IARS2: variants seen among roughly 807,000 people sequenced by gnomAD.
The protein encoded by IARS2 is isoleucine--tRNA ligase, mitochondrial.
A neutral mutation model predicts 126.3 loss-of-function variants in IARS2; 56 were observed. That is an observed-to-expected ratio of 0.44 (90% CI 0.36 to 0.55). The LOEUF is 0.55. Ranked by LOEUF, IARS2 falls within the 20% of genes least tolerant of loss-of-function variation. IARS2 has a pLI of 0.00. For missense variants in IARS2, 1,127 were observed against 1,245.9 expected (o/e 0.90, Z 1.44); for synonymous variants, 407 against 441.1 (o/e 0.92, Z 0.97).
At chr1:220,118,272 C>A (rs754915784) in intron 12 of IARS2, 1 of 439,142 alleles carries the variant, frequency 2.3e-6, no homozygotes, top group Non-Finnish European at 4.6e-6. Context: ...TTTTGCTCAT[C>A]ATGGGAGCTG....
chr1:220,106,576 T>C (rs1656685157), intron 9 of IARS2, among the ~76,000 whole-genome samples: 1 of 152,150 alleles, frequency 6.6e-6, no homozygotes. Flanking sequence ...ATTTTGGCTT[T>C]GGTGATTTAA....
At chr1:220,113,203 C>T (rs1333478058) in intron 11 of IARS2, among the ~76,000 whole-genome samples, 1 of 152,090 alleles carries the variant, frequency 6.6e-6, no homozygotes, top group Non-Finnish European at 1.5e-5. Context: ...ATTATCACCA[C>T]CTTTAAAAAG....
chr1:220,096,150 TAA>T lies in IARS2; in HGVS notation c.316_317del (p.Lys106AspfsTer7). ...TATTCATGGCAAAGAGAAAGAAAAG[TAA>T]AGACAGAATTTTGCCTTCATGATGG... On this transcript the variant is annotated frameshift_variant, in exon 2 of 23. Coordinates refer to ENST00000366922, the MANE Select transcript of IARS2 (RefSeq NM_018060.4). LOFTEE classifies it high-confidence loss of function. The T allele has an allele frequency of 6.4e-7, 1 of 1,551,020 alleles. No individual in the cohort carries two copies. The highest frequency in any genetic ancestry group is 8.9e-7 in the Non-Finnish European group (1 of 1,125,914).
chr1:220,131,647 C>G (rs1176581255), intron 14 of IARS2, among the ~76,000 whole-genome samples: 1 of 151,404 alleles, frequency 6.6e-6, no homozygotes, highest in African/African-American at 2.4e-5. Flanking sequence ...CCACTCTGCC[C>G]AGCAATTTTT....
intron 8 of IARS2, among the ~76,000 whole-genome samples, chr1:220,103,787 G>A (rs1656628286): frequency 6.6e-6 from 1 of 152,052 alleles, no homozygotes. Context: ...CTAATTTCTG[G>A]CAATATCCAG....
intron 11 of IARS2, among the ~76,000 whole-genome samples, chr1:220,113,010 G>A (rs1400123012): frequency 6.6e-6 from 1 of 152,058 alleles, no homozygotes; most frequent in Non-Finnish European, 1.5e-5. Flanking sequence ...TTATAGGCAT[G>A]CACCACCATG....
At chr1:220,138,919 A>T in intron 17 of IARS2, 89 bp from the exon 18 acceptor site, 1 of 1,206,098 alleles carries the variant, frequency 8.3e-7, no homozygotes, top group Non-Finnish European at 1.2e-6. Flanking sequence ...TAAGAAAATG[A>T]CAAGAGTTAG....
At chr1:220,105,832 T>C in intron 8 of IARS2, 59 bp from the exon 9 acceptor site, 3 of 1,432,152 alleles carry the variant, frequency 2.1e-6, no homozygotes, top group Non-Finnish European at 2.9e-6. Flanking sequence ...ATTGCTAAGC[T>C]TAAGGAGATA....
chr1:220,104,928 A>G (rs1656649367), intron 8 of IARS2, among the ~76,000 whole-genome samples: 1 of 152,194 alleles, frequency 6.6e-6, no homozygotes, highest in African/African-American at 2.4e-5. Context: ...GCCTAGAAAG[A>G]CTGCCTAGCT....
At chr1:220,121,391 A>T (rs1315145285) in intron 12 of IARS2, among the ~76,000 whole-genome samples, 1 of 152,206 alleles carries the variant, frequency 6.6e-6, no homozygotes, top group African/African-American at 2.4e-5. Flanking sequence ...TAATATTGTT[A>T]TAAAAATGTA....
intron 12 of IARS2, among the ~76,000 whole-genome samples, chr1:220,122,352 TG>T (rs149757907): frequency 3.3e-5 from 5 of 152,214 alleles, no homozygotes; most frequent in Non-Finnish European, 7.3e-5. Context: ...CTCCTGAGAC[TG>T]CCTAGTTCCT....
chr1:220,096,940 G>T (rs1266072594), intron 2 of IARS2, among the ~76,000 whole-genome samples: 2 of 152,018 alleles, frequency 1.3e-5, no homozygotes, highest in Non-Finnish European at 2.9e-5. Context: ...CAGCTACTCG[G>T]GAGGCTGAGG....
chr1:220,107,045 A>C lies in IARS2; in HGVS notation c.1237-16A>C, dbSNP rs1028633339. The C allele has an allele frequency of 6.6e-7, 1 of 1,525,556 alleles. No homozygotes were observed. Among genetic ancestry groups the C allele is most frequent in the Non-Finnish European group, 9.1e-7 (1 of 1,099,520 alleles). 94.5% of individuals were successfully genotyped at this position (1,525,556 alleles called of 1,614,324 possible). A position where few individuals can be genotyped will look rare whatever the true frequency, so the allele number is the denominator to read the frequency against. Reference sequence around the variant, plus strand: ...AATGTCTTGATATTTTAATTGTTCAAAATGATACTTTATAGGATTGTCTAG... The same window carrying C: ...AATGTCTTGATATTTTAATTGTTCACAATGATACTTTATAGGATTGTCTAG... On this transcript the variant is annotated splice_polypyrimidine_tract_variant and intron_variant, in intron 9 of 22. Transcript: ENST00000366922.
intron 22 of IARS2, among the ~76,000 whole-genome samples, chr1:220,146,292 G>A (rs910012063): frequency 1.3e-5 from 2 of 152,028 alleles, no homozygotes; most frequent in Admixed American, 1.3e-4. Flanking sequence ...CGAGGCGGGC[G>A]GATCGTGAGG....
intron 12 of IARS2, among the ~76,000 whole-genome samples, chr1:220,124,947 G>C (rs1157232640): frequency 2.0e-5 from 3 of 152,140 alleles, no homozygotes; most frequent in Admixed American, 6.5e-5. Context: ...GTTTAATTTA[G>C]GCAGAAATCA....
intron 14 of IARS2, among the ~76,000 whole-genome samples, chr1:220,127,200 A>G (rs1009688608): frequency 2.6e-5 from 4 of 152,238 alleles, no homozygotes; most frequent in African/African-American, 9.6e-5. Flanking sequence ...ATAATTTTTC[A>G]GAAGAGAAAA....
At chr1:220,103,716 A>G in intron 8 of IARS2, among the ~76,000 whole-genome samples, 154 bp downstream of exon 8, 1 of 152,374 alleles carries the variant, frequency 6.6e-6, no homozygotes, top group South Asian at 2.1e-4. Context: ...AGGAGAATAT[A>G]CATTAAGCAT....
intron 2 of IARS2, among the ~76,000 whole-genome samples, chr1:220,097,156 G>C (rs1440201687): frequency 6.6e-6 from 1 of 152,016 alleles, no homozygotes; most frequent in Non-Finnish European, 1.5e-5. Flanking sequence ...TAAGCAAAGA[G>C]AGAGAATTTA....
chr1:220,115,665 C>A (rs1224893966), intron 12 of IARS2, among the ~76,000 whole-genome samples: 1 of 151,916 alleles, frequency 6.6e-6, no homozygotes, highest in Non-Finnish European at 1.5e-5. Context: ...TTCTTTTATC[C>A]CGAACAGCTC....
Sources: gnomAD v4.1 joint callset for allele counts (sites outside exome capture counted in the v4.1 genomes callset) on GRCh38, gnomAD v4.1.1 for gene constraint, MANE v1.5 for transcripts, NCBI Gene and HGNC (gene_info 2026-07-23, HGNC 2026-07-21) for gene names.